The following ZNF618 variants were observed in gnomAD, a reference collection of about 807,000 sequenced individuals.
ZNF618 encodes the protein zinc finger protein 618, also known as neural precursor cell expressed, developmentally down-regulated 10.
ZNF618 carries 34 observed loss-of-function variants against 103.0 expected under a neutral mutation model. The ratio of observed to expected loss-of-function variants is 0.33; its 90% CI spans 0.25 to 0.44. The LOEUF (loss-of-function observed/expected upper bound fraction) is 0.44. ZNF618 is among the 20% of genes least tolerant of loss of function. The probability of loss-of-function intolerance (pLI) is 1.00; values close to 1 mark genes in which losing one functional copy is unlikely to be tolerated. For missense variants in ZNF618, 1,059 were observed against 1,295.4 expected (o/e 0.82, Z 2.80); for synonymous variants, 551 against 542.2 (o/e 1.02, Z -0.23).
chr9:113,996,593 G>A (rs974488693), intron 3 of ZNF618, among the ~76,000 whole-genome samples: 1 of 152,168 alleles, frequency 6.6e-6, no homozygotes, highest in Admixed American at 6.5e-5. Context: ...AGGTGTTTAG[G>A]GAAAGTGCTC....
At chr9:113,942,176 A>G (rs996852945) in intron 1 of ZNF618, among the ~76,000 whole-genome samples, 1 of 152,170 alleles carries the variant, frequency 6.6e-6, no homozygotes, top group African/African-American at 2.4e-5. Context: ...GGACAAGGTA[A>G]GACCTTCTCT....
chr9:114,028,386 A>G, intron 10 of ZNF618: 1 of 246,652 alleles, frequency 4.1e-6, no homozygotes, highest in Non-Finnish European at 7.8e-6. Flanking sequence ...TTAAAGGAAA[A>G]GGAGCTTAGA....
At chr9:113,911,724 T>C (rs917543870) in intron 1 of ZNF618, among the ~76,000 whole-genome samples, 3 of 152,152 alleles carry the variant, frequency 2.0e-5, no homozygotes, top group Admixed American at 6.5e-5. Context: ...TGTTTCCCAG[T>C]GTTATTGCAA....
At chr9:113,904,176 C>T (rs1480854082) in intron 1 of ZNF618, among the ~76,000 whole-genome samples, 1 of 144,698 alleles carries the variant, frequency 6.9e-6, no homozygotes. Context: ...TAATATCTAA[C>T]CTCTTCTTTT....
chr9:114,044,776 C>G (rs1845511594), intron 13 of ZNF618, among the ~76,000 whole-genome samples: 1 of 151,762 alleles, frequency 6.6e-6, no homozygotes, highest in African/African-American at 2.4e-5. Flanking sequence ...AAGCATATTC[C>G]TAAGTTGTTT....
chr9:113,969,240 T>C, intron 2 of ZNF618, 80 bp downstream of exon 2: 2 of 1,553,460 alleles, frequency 1.3e-6, no homozygotes, highest in Non-Finnish European at 1.8e-6. Context: ...TCTCTGGTCC[T>C]CATCTTCCCC....
intron 13 of ZNF618, among the ~76,000 whole-genome samples, chr9:114,046,377 C>T (rs1024208321): frequency 6.6e-6 from 1 of 152,072 alleles, no homozygotes; most frequent in Admixed American, 6.5e-5. Flanking sequence ...GTACAGTTGC[C>T]TGAAGTATTC....
chr9:114,037,307 C>T (rs1054127813), intron 13 of ZNF618, among the ~76,000 whole-genome samples: 1 of 152,170 alleles, frequency 6.6e-6, no homozygotes, highest in South Asian at 2.1e-4. Context: ...CATCCTCTCT[C>T]TTTGTGGATG....
intron 1 of ZNF618, among the ~76,000 whole-genome samples, chr9:113,931,798 A>C (rs1833612923): frequency 6.6e-6 from 1 of 152,252 alleles, no homozygotes; most frequent in Admixed American, 6.5e-5. Flanking sequence ...TAAAAAATAC[A>C]ATAGTAAAAT....
In ZNF618 at chr9:114,016,726, C is replaced by T. The variant is rs773406062; in HGVS notation, c.786C>T (p.Gly262=). 6.2e-7 allele frequency: 1 copy of T among 1,613,690 alleles called. No homozygotes were observed. Among genetic ancestry groups the T allele is most frequent in the Non-Finnish European group, 8.5e-7 (1 of 1,179,834 alleles). The change falls in exon 10 of 15, where the codon GGC becomes GGT. Residue 262 remains glycine, a synonymous_variant. Coordinates refer to ENST00000374126, the MANE Select transcript of ZNF618 (RefSeq NM_001318042.2). ...KTGNYTCEFC[G]KQYKYYTPYQ... ...GCAATTACACCTGTGAATTCTGCGG[C>T]AAACAGTACAAGTACTACACTCCCT...
intron 1 of ZNF618, among the ~76,000 whole-genome samples, chr9:113,924,274 C>T (rs1046078349): frequency 6.6e-6 from 1 of 151,802 alleles, no homozygotes; most frequent in African/African-American, 2.4e-5. Flanking sequence ...GGAATTGGTC[C>T]ATTTTATCTA....
At chr9:113,878,083 G>A (rs1216703858) in intron 1 of ZNF618, among the ~76,000 whole-genome samples, 4 of 151,970 alleles carry the variant, frequency 2.6e-5, no homozygotes, top group African/African-American at 9.7e-5. Context: ...TGATTGTGAT[G>A]TGGGGTTGGT....
At chr9:113,950,891 C>T (rs1359445554) in intron 1 of ZNF618, among the ~76,000 whole-genome samples, 1 of 150,024 alleles carries the variant, frequency 6.7e-6, no homozygotes, top group African/African-American at 2.5e-5. Context: ...GGAAGCAGGT[C>T]CAGGAACCCT....
intron 7 of ZNF618, 82 bp downstream of exon 7, chr9:114,007,521 C>T: frequency 7.5e-7 from 1 of 1,327,654 alleles, no homozygotes; most frequent in South Asian, 1.3e-5. Flanking sequence ...CTCCCCGCCT[C>T]CCTCCTCCCT....
intron 1 of ZNF618, among the ~76,000 whole-genome samples, chr9:113,904,592 A>G (rs1830823745): frequency 6.6e-6 from 1 of 152,220 alleles, no homozygotes; most frequent in African/African-American, 2.4e-5. Flanking sequence ...CTAACAAATT[A>G]TCACACACTT....
At chr9:113,938,763 T>C (rs1428071130) in intron 1 of ZNF618, among the ~76,000 whole-genome samples, 3 of 151,808 alleles carry the variant, frequency 2.0e-5, no homozygotes, top group Non-Finnish European at 4.4e-5. Context: ...AGAGACGGGG[T>C]TTCATCATGT....
chr9:113,965,016 A>G (rs1225437880), intron 1 of ZNF618, among the ~76,000 whole-genome samples: 6 of 148,650 alleles, frequency 4.0e-5, no homozygotes, highest in African/African-American at 7.5e-5. Context: ...AAAAAATGTA[A>G]TCATATAAGA....
At chr9:113,879,395 C>CTTT (rs1828282806) in intron 1 of ZNF618, among the ~76,000 whole-genome samples, 1 of 75,922 alleles carries the variant, frequency 1.3e-5, no homozygotes, top group African/African-American at 5.9e-5. Flanking sequence ...TTTTTTTTTT[C>CTTT]TGTTTTTTTT....
At chr9:113,876,990 G>T (rs1828017161) in intron 1 of ZNF618, among the ~76,000 whole-genome samples, 1 of 150,586 alleles carries the variant, frequency 6.6e-6, no homozygotes, top group Non-Finnish European at 1.5e-5. Flanking sequence ...AAATAAAAAA[G>T]AAATTAAAAT....
Sources: allele counts gnomAD v4.1 joint callset (sites outside exome capture counted in the v4.1 genomes callset), GRCh38; gene constraint gnomAD v4.1.1; transcripts MANE v1.5; gene names NCBI Gene and HGNC (gene_info 2026-07-23, HGNC 2026-07-21).